Variants in UBE3D observed in about 807,000 individuals in gnomAD.
UBE3D encodes E3 ubiquitin-protein ligase E3D.
Under a neutral mutation model 49.6 loss-of-function variants are expected in UBE3D, and 48 were observed. That is an observed-to-expected ratio of 0.97 (90% CI 0.77 to 1.23). The LOEUF is 1.23. Ranked by LOEUF, UBE3D falls within the 50% of genes most tolerant of loss-of-function variation. UBE3D has a pLI of 0.00. For missense variants in UBE3D, 452 were observed against 468.4 expected (o/e 0.96, Z 0.32); for synonymous variants, 189 against 174.2 (o/e 1.08, Z -0.67).
At chr6:82,955,065 G>A (rs59491134) in intron 9 of UBE3D, among the ~76,000 whole-genome samples, 24,597 of 152,070 alleles carry the variant, frequency 0.16, 2,033 homozygotes, top group African/African-American at 0.18. Flanking sequence ...CATTCAGACC[G>A]CTCTAAGAGC....
intron 9 of UBE3D, among the ~76,000 whole-genome samples, chr6:82,937,333 C>CA (rs375532519): frequency 5.4e-5 from 7 of 129,612 alleles, no homozygotes; most frequent in African/African-American, 1.4e-4. Context: ...CAAAACAAAA[C>CA]AAACAAACAA....
At chr6:83,007,951 A>AG (rs1430211094) in intron 8 of UBE3D, among the ~76,000 whole-genome samples, 55 of 85,022 alleles carry the variant, frequency 6.5e-4, no homozygotes, top group Non-Finnish European at 1.0e-3. Flanking sequence ...TCTCAAAAAA[A>AG]GTAAAAAATA....
chr6:83,002,403 G>A (rs1327963767), intron 8 of UBE3D, among the ~76,000 whole-genome samples: 1 of 152,158 alleles, frequency 6.6e-6, no homozygotes, highest in Non-Finnish European at 1.5e-5. Flanking sequence ...AGGGCTAGTG[G>A]GCCAAGCGTG....
At chr6:83,059,273 T>C (rs1024931331) in intron 1 of UBE3D, among the ~76,000 whole-genome samples, 2 of 152,044 alleles carry the variant, frequency 1.3e-5, no homozygotes, top group South Asian at 4.1e-4. Context: ...CCTGTAGTCC[T>C]AGCCACTCAG....
At chr6:83,040,160 G>A (rs886089973) in intron 4 of UBE3D, among the ~76,000 whole-genome samples, 2 of 151,972 alleles carry the variant, frequency 1.3e-5, no homozygotes, top group Non-Finnish European at 2.9e-5. Flanking sequence ...CAAGGCAGCC[G>A]GATCATGAGG....
At chr6:82,967,472 A>T (rs554585017) in intron 8 of UBE3D, among the ~76,000 whole-genome samples, 2 of 151,894 alleles carry the variant, frequency 1.3e-5, no homozygotes, top group East Asian at 3.9e-4. Context: ...TCCCTTCCCC[A>T]TCGCCTCCAC....
chr6:82,898,313 C>A (rs1771478461), intron 9 of UBE3D, among the ~76,000 whole-genome samples: 1 of 152,202 alleles, frequency 6.6e-6, no homozygotes, highest in Admixed American at 6.5e-5. Context: ...TTTGACCCAG[C>A]AATCCCATTA....
chr6:82,990,764 C>T (rs1778830205), intron 8 of UBE3D, among the ~76,000 whole-genome samples: 3 of 152,098 alleles, frequency 2.0e-5, no homozygotes, highest in Non-Finnish European at 2.9e-5. Flanking sequence ...GTAATGTGAC[C>T]GTACTCTCCC....
At chr6:83,009,128 G>C (rs1295261927) in intron 8 of UBE3D, among the ~76,000 whole-genome samples, 1 of 152,118 alleles carries the variant, frequency 6.6e-6, no homozygotes, top group Non-Finnish European at 1.5e-5. Context: ...GAAAGGTAAA[G>C]ATTCTACATA....
intron 4 of UBE3D, among the ~76,000 whole-genome samples, chr6:83,042,863 A>T (rs530504464): frequency 6.6e-6 from 1 of 152,354 alleles, no homozygotes; most frequent in South Asian, 2.1e-4. Flanking sequence ...TTCCCACAGG[A>T]GCCTTGAGAG....
Position 82,893,052 on chromosome 6 carries a change from G to A in UBE3D, c.1150-10C>T. On this transcript the variant is annotated splice_polypyrimidine_tract_variant and intron_variant, in intron 9 of 9. Coordinates refer to ENST00000369747, the MANE Select transcript of UBE3D (RefSeq NM_198920.3). ...TCTTCAAAAAGGCCACCTGGAGAAG[G>A]AAGAAAAACCCACAATGCTTTACTT... 1 of 1,613,354 alleles carries A rather than the reference G, an allele frequency of 6.2e-7. No individual in the cohort carries two copies. The highest frequency in any genetic ancestry group is 8.5e-7 in the Non-Finnish European group (1 of 1,179,734).
Position 82,892,857 on chromosome 6 carries a change from G to C in UBE3D, c.*165C>G. On this transcript the variant is annotated 3_prime_UTR_variant, in exon 10 of 10. Transcript: ENST00000369747. ...AGATCTAAAGTTAACTCTTCTCTTA[G>C]AGAATACATGCAAACAAGTAAACTT... is the stretch of plus-strand genomic sequence containing the variant. 1.2e-6 allele frequency: 1 copy of C among 805,696 alleles called. No individual in the cohort carries two copies. The allele number at this position is 805,696 out of a possible 1,614,324, so 49.9% of individuals were successfully genotyped here. A position where few individuals can be genotyped will look rare whatever the true frequency, so the allele number is the denominator to read the frequency against.
chr6:82,930,411 G>C (rs1582380686), intron 9 of UBE3D, among the ~76,000 whole-genome samples: 1 of 152,178 alleles, frequency 6.6e-6, no homozygotes, highest in East Asian at 1.9e-4. Context: ...TTTGGAACTG[G>C]GTAACAGGCA....
chr6:83,009,762 T>C (rs770641696), intron 8 of UBE3D, among the ~76,000 whole-genome samples: 13 of 146,032 alleles, frequency 8.9e-5, no homozygotes, highest in Non-Finnish European at 1.6e-4. Context: ...ATAGGTATAA[T>C]AAATTTTCAG....
chr6:82,979,511 C>A (rs1442653763), intron 8 of UBE3D, among the ~76,000 whole-genome samples: 2 of 152,114 alleles, frequency 1.3e-5, no homozygotes, highest in Non-Finnish European at 2.9e-5. Flanking sequence ...AGAACCTGAG[C>A]CCTTCAGAAA....
chr6:82,919,888 G>A (rs1312409810), intron 9 of UBE3D, among the ~76,000 whole-genome samples: 6 of 152,056 alleles, frequency 3.9e-5, no homozygotes, highest in South Asian at 2.1e-4. Context: ...TTGTGGTTTC[G>A]ACATCTATCC....
At chr6:83,061,687 C>A (rs757053045) in intron 1 of UBE3D, among the ~76,000 whole-genome samples, 3 of 152,230 alleles carry the variant, frequency 2.0e-5, no homozygotes, top group Non-Finnish European at 4.4e-5. Flanking sequence ...CAAAGCAGGT[C>A]AACTCACCTC....
intron 8 of UBE3D, among the ~76,000 whole-genome samples, chr6:82,994,744 A>G (rs964436683): frequency 6.6e-6 from 1 of 152,210 alleles, no homozygotes; most frequent in African/African-American, 2.4e-5. Context: ...AGTTGGAAAC[A>G]ATTAAAGACA....
chr6:83,053,195 C>CAGTGTGGCTCAGGGAAGCT lies in UBE3D; in HGVS notation c.365+952_365+953insAGCTTCCCTGAGCCACACT, dbSNP rs1311461701. Among the ~76,000 whole-genome samples, 8 of 4,074 alleles carry CAGTGTGGCTCAGGGAAGCT rather than the reference C, an allele frequency of 2.0e-3. 1 individual carries two copies. Among genetic ancestry groups the CAGTGTGGCTCAGGGAAGCT allele is most frequent in the Non-Finnish European group, 4.8e-3 (8 of 1,670 alleles). 2.7% of individuals were successfully genotyped at this position (4,074 alleles called of 152,430 possible). On this transcript the variant is annotated intron_variant, in intron 3 of 9. Transcript: ENST00000369747. ...TATTTTATGTGTAGCCCAAGACAGC[C>CAGTGTGGCTCAGGGAAGCT]GAAGGCTTGGACTCCCCTGCCTCCA...
Sources: gnomAD v4.1 joint callset for allele counts (sites outside exome capture counted in the v4.1 genomes callset) on GRCh38, gnomAD v4.1.1 for gene constraint, MANE v1.5 for transcripts, NCBI Gene and HGNC (gene_info 2026-07-23, HGNC 2026-07-21) for gene names.